Variants in TRDN observed in about 807,000 individuals in gnomAD.
The protein encoded by TRDN is triadin.
TRDN carries 161 observed loss-of-function variants against 149.7 expected under a neutral mutation model. The observed-to-expected ratio is 1.08, with a 90% CI of 0.95 to 1.23. The LOEUF (loss-of-function observed/expected upper bound fraction) is 1.23. TRDN is among the 50% of genes most tolerant of loss of function. The probability of loss-of-function intolerance (pLI) is 0.00; values close to 1 mark genes in which losing one functional copy is unlikely to be tolerated. For synonymous variants in TRDN, 294 were observed against 250.5 expected (o/e 1.17, Z -1.64); for missense variants, 896 against 823.5 (o/e 1.09, Z -1.08).
chr6:123,296,308 C>T (rs1371074483), intron 24 of TRDN, among the ~76,000 whole-genome samples: 1 of 152,090 alleles, frequency 6.6e-6, no homozygotes. Context: ...ACATCTTAGC[C>T]AGAAAGAACC....
rs904536553 is a variant in TRDN, at chr6:123,474,458, C to T, written c.854-9475G>A. Among the ~76,000 whole-genome samples, 71 of 152,014 alleles carry T rather than the reference C, an allele frequency of 4.7e-4. 1 individual carries two copies. The highest frequency in any genetic ancestry group is 2.5e-4 in the Non-Finnish European group (17 of 67,988). On this transcript the variant is annotated intron_variant, in intron 9 of 40. Coordinates refer to ENST00000334268, the MANE Select transcript of TRDN (RefSeq NM_006073.4). Reference sequence around the variant, plus strand: ...TGAGTGACCTACAAAGAGACTTAGACTCCCACACATTAATAATGGGAGACT... The same window carrying T: ...TGAGTGACCTACAAAGAGACTTAGATTCCCACACATTAATAATGGGAGACT...
chr6:123,488,287 T>C (rs1583131501), intron 9 of TRDN, among the ~76,000 whole-genome samples: 1 of 152,126 alleles, frequency 6.6e-6, no homozygotes, highest in Non-Finnish European at 1.5e-5. Flanking sequence ...AAAAAAATGG[T>C]AATGACCCTT....
chr6:123,334,690 T>C (rs987026013), intron 22 of TRDN, among the ~76,000 whole-genome samples: 1 of 151,976 alleles, frequency 6.6e-6, no homozygotes, highest in East Asian at 1.9e-4. Flanking sequence ...TGGCAAGACA[T>C]ATCATTCTCC....
intron 20 of TRDN, among the ~76,000 whole-genome samples, chr6:123,361,558 A>G (rs940126045): frequency 2.0e-5 from 3 of 152,142 alleles, no homozygotes; most frequent in Non-Finnish European, 4.4e-5. Context: ...TGGGTTAAAT[A>G]AAAACACCAG....
At chr6:123,611,523 C>T (rs752377861) in intron 1 of TRDN, among the ~76,000 whole-genome samples, 7 of 152,174 alleles carry the variant, frequency 4.6e-5, no homozygotes, top group Non-Finnish European at 7.4e-5. Flanking sequence ...GTTTGATCAA[C>T]ATAAGATAAA....
At chr6:123,259,001 TA>T (rs1186548815) in intron 35 of TRDN, among the ~76,000 whole-genome samples, 1 of 152,162 alleles carries the variant, frequency 6.6e-6, no homozygotes, top group Non-Finnish European at 1.5e-5. Context: ...TGTTATTTTT[TA>T]TTGTGTCTAT....
intron 9 of TRDN, chr6:123,471,039 A>C (rs1265191489): frequency 6.6e-6 from 1 of 152,246 alleles, no homozygotes; most frequent in Admixed American, 6.5e-5. Context: ...TGAGTACCCT[A>C]TAAAAGTTTA....
At chr6:123,519,571 G>C (rs1490824489) in intron 5 of TRDN, among the ~76,000 whole-genome samples, 1 of 148,704 alleles carries the variant, frequency 6.7e-6, no homozygotes, top group Non-Finnish European at 1.5e-5. Flanking sequence ...CCTGTTCTTA[G>C]GTTGAAAATC....
At chr6:123,412,142 C>G (rs1034068671) in intron 12 of TRDN, among the ~76,000 whole-genome samples, 1 of 152,142 alleles carries the variant, frequency 6.6e-6, no homozygotes, top group Non-Finnish European at 1.5e-5. Context: ...TATAGCTAAC[C>G]AGCACACCAT....
At chr6:123,536,691 A>C (rs1780552769) in intron 4 of TRDN, among the ~76,000 whole-genome samples, 1 of 129,398 alleles carries the variant, frequency 7.7e-6, no homozygotes, top group Non-Finnish European at 1.6e-5. Flanking sequence ...TCTCTACAAT[A>C]AATAAATAAA....
chr6:123,564,293 C>T (rs915509642), intron 2 of TRDN, among the ~76,000 whole-genome samples: 4 of 152,130 alleles, frequency 2.6e-5, no homozygotes, highest in African/African-American at 9.7e-5. Flanking sequence ...AAGAAACACA[C>T]AAAATGTGCT....
intron 12 of TRDN, among the ~76,000 whole-genome samples, chr6:123,407,566 A>T (rs1333062236): frequency 1.3e-5 from 2 of 151,236 alleles, no homozygotes; most frequent in Admixed American, 1.3e-4. Context: ...TAAGCTGCAC[A>T]CTCCCATAAA....
intron 7 of TRDN, among the ~76,000 whole-genome samples, chr6:123,511,866 C>G (rs1440559469): frequency 6.6e-6 from 1 of 152,180 alleles, no homozygotes; most frequent in African/African-American, 2.4e-5. Context: ...AGTACTCATA[C>G]TTCAAATCTC....
intron 12 of TRDN, among the ~76,000 whole-genome samples, chr6:123,433,180 T>TATATAC (rs1562310483): frequency 7.5e-6 from 1 of 133,452 alleles, no homozygotes; most frequent in Non-Finnish European, 1.6e-5. Flanking sequence ...TATATATATA[T>TATATAC]ATACATCACA....
intron 5 of TRDN, among the ~76,000 whole-genome samples, chr6:123,520,842 A>G (rs1238826599): frequency 6.6e-6 from 1 of 152,104 alleles, no homozygotes; most frequent in Non-Finnish European, 1.5e-5. Context: ...TTCCTTGTCC[A>G]GGTTTATTTT....
At chr6:123,223,538 C>T (rs1320031528) in intron 39 of TRDN, among the ~76,000 whole-genome samples, 2 of 151,780 alleles carry the variant, frequency 1.3e-5, no homozygotes, top group East Asian at 1.9e-4. Context: ...CTGAAGCCCT[C>T]ATTCTACAGA....
chr6:123,460,412 T>C (rs1054183872), intron 10 of TRDN, among the ~76,000 whole-genome samples: 4 of 152,170 alleles, frequency 2.6e-5, no homozygotes, highest in Admixed American at 2.6e-4. Context: ...AAATGTGCTA[T>C]ATTGTTATTA....
intron 12 of TRDN, among the ~76,000 whole-genome samples, chr6:123,412,848 T>G (rs1773498619): frequency 6.6e-6 from 1 of 152,114 alleles, no homozygotes. Flanking sequence ...CATCATGTGA[T>G]AAAATCATAA....
At chr6:123,471,178 A>G (rs936773316) in intron 9 of TRDN, 1 of 152,218 alleles carries the variant, frequency 6.6e-6, no homozygotes, top group Non-Finnish European at 1.5e-5. Flanking sequence ...ACCTAATAAG[A>G]CTTAATGAAT....
Sources: allele counts gnomAD v4.1 joint callset (sites outside exome capture counted in the v4.1 genomes callset), GRCh38; gene constraint gnomAD v4.1.1; transcripts MANE v1.5; gene names NCBI Gene and HGNC (gene_info 2026-07-23, HGNC 2026-07-21).